The following MALRD1 variants were observed in gnomAD, a reference collection of about 807,000 sequenced individuals.
MALRD1 encodes MAM and LDL-receptor class A domain-containing protein 1.
MALRD1 carries 247 observed loss-of-function variants against 242.1 expected under a neutral mutation model. The ratio of observed to expected loss-of-function variants is 1.02; its 90% CI spans 0.92 to 1.13. MALRD1 has a LOEUF of 1.13. Among genes scored for constraint, MALRD1 ranks in the 50% most tolerant of loss-of-function variants. MALRD1 has a pLI of 0.00. For synonymous variants in MALRD1, 995 were observed against 866.6 expected (o/e 1.15, Z -2.60); for missense variants, 2,989 against 2,533.1 (o/e 1.18, Z -3.86).
At chr10:19,552,425 T>TTTGC (rs1835520426) in intron 32 of MALRD1, among the ~76,000 whole-genome samples, 1 of 152,174 alleles carries the variant, frequency 6.6e-6, no homozygotes, top group East Asian at 1.9e-4. Context: ...ATATTACCCT[T>TTTGC]ATCATTTCAG....
At chr10:19,183,691 G>GA (rs1835619455) in intron 14 of MALRD1, among the ~76,000 whole-genome samples, 1 of 151,976 alleles carries the variant, frequency 6.6e-6, no homozygotes, top group Non-Finnish European at 1.5e-5. Context: ...AGATTTTGTA[G>GA]AAAAAAATAG....
At chr10:19,247,835 A>G (rs1291343554) in intron 18 of MALRD1, among the ~76,000 whole-genome samples, 5 of 151,908 alleles carry the variant, frequency 3.3e-5, no homozygotes, top group Admixed American at 2.0e-4. Context: ...TAAAATAAAA[A>G]CTTAACCGAC....
intron 34 of MALRD1, among the ~76,000 whole-genome samples, chr10:19,598,926 A>T (rs1053495504): frequency 6.6e-6 from 1 of 152,168 alleles, no homozygotes; most frequent in Admixed American, 6.6e-5. Context: ...CAAAATATTC[A>T]CAGGTTGAAA....
intron 21 of MALRD1, among the ~76,000 whole-genome samples, chr10:19,316,633 G>A (rs774973873): frequency 6.6e-6 from 1 of 151,806 alleles, no homozygotes; most frequent in Non-Finnish European, 1.5e-5. Flanking sequence ...TCCGCACAAC[G>A]AGGAATGATC....
Position 19,171,452 on chromosome 10 carries a change from A to ACACATG in MALRD1, c.1831-3756_1831-3755insCACATG, listed in dbSNP as rs1564440042. On this transcript the variant is annotated intron_variant, in intron 13 of 39. Coordinates refer to ENST00000454679, the MANE Select transcript of MALRD1 (RefSeq NM_001142308.3). ...TACATATATATATATATATATATAT[A>ACACATG]TATATACACACATGTATATACACAC... Among the ~76,000 whole-genome samples the ACACATG allele has an allele frequency of 3.4e-3, 345 of 100,214 alleles. 11 individuals carry two copies. Among genetic ancestry groups the ACACATG allele is most frequent in the Non-Finnish European group, 5.7e-3 (246 of 43,070 alleles). The allele number at this position is 100,214 out of a possible 152,430, so 65.7% of individuals were successfully genotyped here.
At chr10:19,643,692 G>C (rs1840511978) in intron 36 of MALRD1, among the ~76,000 whole-genome samples, 1 of 152,122 alleles carries the variant, frequency 6.6e-6, no homozygotes, top group Admixed American at 6.6e-5. Flanking sequence ...ATATTTATTA[G>C]TATACAGTAT....
At chr10:19,565,144 G>T (rs1012486979) in intron 32 of MALRD1, among the ~76,000 whole-genome samples, 1 of 152,066 alleles carries the variant, frequency 6.6e-6, no homozygotes, top group Non-Finnish European at 1.5e-5. Flanking sequence ...TTAGTGGTAG[G>T]GTCAAATAAT....
At chr10:19,590,590 A>G (rs1000120961) in intron 33 of MALRD1, among the ~76,000 whole-genome samples, 2 of 152,064 alleles carry the variant, frequency 1.3e-5, no homozygotes, top group African/African-American at 4.8e-5. Flanking sequence ...TTTAAATTAA[A>G]TCTGCTCTGA....
intron 28 of MALRD1, among the ~76,000 whole-genome samples, chr10:19,395,464 TG>T (rs1216992152): frequency 6.6e-6 from 1 of 152,072 alleles, no homozygotes; most frequent in Non-Finnish European, 1.5e-5. Context: ...AAGAGACAAA[TG>T]GTTGCATTCC....
chr10:19,591,259 T>A (rs1247218976), intron 33 of MALRD1, among the ~76,000 whole-genome samples: 2 of 152,224 alleles, frequency 1.3e-5, no homozygotes, highest in Non-Finnish European at 2.9e-5. Flanking sequence ...GTTGTTCTTA[T>A]TTTACAGAGT....
At chr10:19,191,592 A>G (rs903388105) in intron 14 of MALRD1, among the ~76,000 whole-genome samples, 1 of 152,214 alleles carries the variant, frequency 6.6e-6, no homozygotes, top group Non-Finnish European at 1.5e-5. Flanking sequence ...AAGTAACCCA[A>G]TTATTCATTG....
intron 28 of MALRD1, among the ~76,000 whole-genome samples, chr10:19,401,690 C>T (rs1299399243): frequency 6.6e-6 from 1 of 151,708 alleles, no homozygotes; most frequent in African/African-American, 2.4e-5. Context: ...TAATTTAATT[C>T]TCGTGGCTCA....
chr10:19,611,435 A>G (rs1838890666), intron 35 of MALRD1, among the ~76,000 whole-genome samples: 1 of 152,000 alleles, frequency 6.6e-6, no homozygotes, highest in Admixed American at 6.6e-5. Flanking sequence ...TGCTTTTCCA[A>G]TGAGATGTAT....
At position 19,533,640 on chromosome 10, in the gene MALRD1, A is replaced by C. The variant is rs189361209; in HGVS notation, c.5478+2289A>C. 3.7e-3 allele frequency among the ~76,000 whole-genome samples: 571 copies of C among 152,286 alleles called. 5 individuals carry two copies. Among genetic ancestry groups the C allele is most frequent in the African/African-American group, 0.013 (558 of 41,554 alleles). On this transcript the variant is annotated intron_variant, in intron 32 of 39. Transcript: ENST00000454679. ...CAAAGTGGGAGCTGTCACAGGGTGA[A>C]AGCAGAGGCAAAAGAGGGAGGTGCT...
intron 38 of MALRD1, among the ~76,000 whole-genome samples, chr10:19,707,996 A>G (rs1351626897): frequency 4.2e-5 from 5 of 118,678 alleles, no homozygotes; most frequent in East Asian, 2.5e-4. Context: ...CCTTTAATAT[A>G]AAATTTAATT....
chr10:19,488,800 G>A (rs1837342461), intron 29 of MALRD1: 1 of 329,824 alleles, frequency 3.0e-6, no homozygotes, highest in Non-Finnish European at 6.1e-6. Flanking sequence ...GTCCCCACCT[G>A]TACAACGATG....
intron 2 of MALRD1, among the ~76,000 whole-genome samples, chr10:19,080,111 A>G (rs1439178232): frequency 6.6e-6 from 1 of 152,062 alleles, no homozygotes; most frequent in Non-Finnish European, 1.5e-5. Flanking sequence ...GCTGAAAGAA[A>G]TCAGAGAAGA....
chr10:19,611,050 C>G (rs572424770), intron 35 of MALRD1, among the ~76,000 whole-genome samples: 3 of 151,824 alleles, frequency 2.0e-5, no homozygotes, highest in African/African-American at 2.4e-5. Flanking sequence ...TGCAAATACT[C>G]CCCCCAGTAT....
chr10:19,266,791 A>G (rs1026503129), intron 19 of MALRD1, among the ~76,000 whole-genome samples: 8 of 152,006 alleles, frequency 5.3e-5, no homozygotes, highest in African/African-American at 9.7e-5. Context: ...ATACATTTCT[A>G]CAGTTCTTTG....
Sources: gnomAD v4.1 joint callset for allele counts (sites outside exome capture counted in the v4.1 genomes callset) on GRCh38, gnomAD v4.1.1 for gene constraint, MANE v1.5 for transcripts, NCBI Gene and HGNC (gene_info 2026-07-23, HGNC 2026-07-21) for gene names.